KIF4A: variants seen among roughly 807,000 people sequenced by gnomAD.
KIF4A encodes chromosome-associated kinesin KIF4A.
KIF4A carries 7 observed loss-of-function variants against 105.9 expected under a neutral mutation model. That is an observed-to-expected ratio of 0.07 (90% confidence interval 0.04 to 0.12). The LOEUF (loss-of-function observed/expected upper bound fraction) is 0.12, where lower values mean the gene tolerates loss of function less well. Among genes scored for constraint, KIF4A ranks in the 10% least tolerant of loss-of-function variants. The probability of loss-of-function intolerance (pLI) is 1.00; values close to 1 mark genes in which losing one functional copy is unlikely to be tolerated. For missense variants in KIF4A, 558 were observed against 929.2 expected (o/e 0.60, Z 5.19); for synonymous variants, 281 against 331.3 (o/e 0.85, Z 1.65).
chrX:70,295,541 C>T (rs1247873062), intron 3 of KIF4A, among the ~76,000 whole-genome samples: 4 of 110,698 alleles, frequency 3.6e-5, no homozygotes, highest in African/African-American at 9.9e-5. Context: ...TAAGTGATAA[C>T]GAAAAACACA....
intron 18 of KIF4A, among the ~76,000 whole-genome samples, chrX:70,382,297 C>T (rs937011621): frequency 2.7e-5 from 3 of 111,336 alleles, no homozygotes; most frequent in Non-Finnish European, 5.7e-5. Flanking sequence ...TGGGCATGGT[C>T]GTACATGCCT....
intron 20 of KIF4A, among the ~76,000 whole-genome samples, chrX:70,389,491 C>T (rs1007712390): frequency 2.7e-5 from 3 of 112,372 alleles, no homozygotes; most frequent in African/African-American, 6.5e-5. Context: ...TCGCTTGAAC[C>T]GGGGAGGCAG....
intron 9 of KIF4A, among the ~76,000 whole-genome samples, chrX:70,332,509 C>T (rs1417569287): frequency 9.1e-6 from 1 of 110,208 alleles, no homozygotes; most frequent in Admixed American, 9.7e-5. Context: ...GAGTGGCGAG[C>T]GAAAGGAAAT....
At chrX:70,371,308 T>C (rs2086131517) in intron 15 of KIF4A, among the ~76,000 whole-genome samples, 1 of 108,503 alleles carries the variant, frequency 9.2e-6, no homozygotes, top group Admixed American at 9.9e-5. Context: ...GGGGGTAAGG[T>C]CACAGATCAA....
At chrX:70,315,607 T>C (rs371687728) in intron 7 of KIF4A, among the ~76,000 whole-genome samples, 1 of 111,774 alleles carries the variant, frequency 8.9e-6, no homozygotes, top group East Asian at 2.8e-4. Flanking sequence ...TGAAGTCTAA[T>C]GCTGGAGTAT....
chrX:70,404,168 A>G, intron 24 of KIF4A, 134 bp downstream of exon 24: 2 of 650,623 alleles, frequency 3.1e-6, no homozygotes, highest in Non-Finnish European at 4.7e-6. Context: ...GCAAATAAAA[A>G]GAAACCTGAA....
At chrX:70,365,714 T>C (rs969278668) in intron 15 of KIF4A, among the ~76,000 whole-genome samples, 10 of 111,462 alleles carry the variant, frequency 9.0e-5, no homozygotes, top group African/African-American at 3.3e-4. Context: ...CTTTTTTTGT[T>C]GTGTCTCTGT....
intron 3 of KIF4A, among the ~76,000 whole-genome samples, chrX:70,292,177 C>A (rs2085763798): frequency 8.9e-6 from 1 of 111,912 alleles, no homozygotes; most frequent in Non-Finnish European, 1.9e-5. Context: ...TTCTAAGTTA[C>A]CACAATACAA....
chrX:70,315,088 G>A (rs922606193), intron 7 of KIF4A, among the ~76,000 whole-genome samples: 8 of 111,596 alleles, frequency 7.2e-5, no homozygotes, highest in African/African-American at 2.6e-4. Context: ...CTTAATGTAA[G>A]GGGTTTCATG....
chrX:70,306,810 G>GAAA (rs2085829219), intron 7 of KIF4A, among the ~76,000 whole-genome samples: 1 of 110,049 alleles, frequency 9.1e-6, no homozygotes, highest in African/African-American at 3.3e-5. Flanking sequence ...CAAAGTGCTG[G>GAAA]GATTACAGGC....
Position 70,343,686 on chromosome X carries a change from C to T in KIF4A, c.1267-17C>T. ...GTCAGGCACCGCCACTGATGATCTC[C>T]TGGGTCTTTGTTGCAGACAGAGCAA... On this transcript the variant is annotated splice_polypyrimidine_tract_variant and intron_variant, in intron 11 of 30. Transcript: ENST00000374403. 1 of 1,208,130 alleles carries T rather than the reference C, an allele frequency of 8.3e-7. No individual in the cohort carries two copies.
At chrX:70,373,070 A>G (rs2077503585) in intron 15 of KIF4A, among the ~76,000 whole-genome samples, 1 of 111,227 alleles carries the variant, frequency 9.0e-6, no homozygotes, top group African/African-American at 3.3e-5. Context: ...CCAGGAGTTT[A>G]AGACCAGCCT....
At chrX:70,406,395 G>T (rs1569253319) in intron 27 of KIF4A, 41 bp downstream of exon 27, 1 of 1,070,124 alleles carries the variant, frequency 9.3e-7, no homozygotes, top group Non-Finnish European at 1.3e-6. Flanking sequence ...CACAGCTTAG[G>T]TTTGGGGTGA....
intron 13 of KIF4A, among the ~76,000 whole-genome samples, chrX:70,345,463 C>CAA (rs761709179): frequency 5.0e-5 from 3 of 60,013 alleles, no homozygotes; most frequent in African/African-American, 2.0e-4. Context: ...GACTTCATCT[C>CAA]AAAAAAAAAA....
At chrX:70,399,159 T>C (rs1008543590) in intron 22 of KIF4A, among the ~76,000 whole-genome samples, 6 of 112,383 alleles carry the variant, frequency 5.3e-5, no homozygotes, top group African/African-American at 1.9e-4. Flanking sequence ...TTCTACTGCA[T>C]GCTGAATATG....
rs146238825 is a variant in KIF4A, at chrX:70,398,575, G to A, written c.2489+2526G>A. ...ATAGGTGACAACTCTGAAGTGTTGTGCCCCACCTCTTCCAGAAGCCTTCCC... is the reference window on the plus strand; with the variant it reads ...ATAGGTGACAACTCTGAAGTGTTGTACCCCACCTCTTCCAGAAGCCTTCCC... On this transcript the variant is annotated intron_variant, in intron 22 of 30. Coordinates refer to ENST00000374403, the MANE Select transcript of KIF4A (RefSeq NM_012310.5). Among the ~76,000 whole-genome samples the A allele has an allele frequency of 4.7e-3, 522 of 111,838 alleles. 4 individuals are homozygous for A. Among genetic ancestry groups the A allele is most frequent in the African/African-American group, 0.016 (498 of 30,832 alleles).
chrX:70,330,381 G>A (rs2085925758), intron 9 of KIF4A, 49 bp downstream of exon 9: 4 of 1,039,242 alleles, frequency 3.8e-6, no homozygotes, highest in Non-Finnish European at 5.3e-6. Flanking sequence ...TATGTGAGTG[G>A]AATGATAGAG....
intron 5 of KIF4A, among the ~76,000 whole-genome samples, chrX:70,299,566 G>A (rs1176426326): frequency 9.0e-6 from 1 of 111,315 alleles, no homozygotes; most frequent in Non-Finnish European, 1.9e-5. Context: ...ATTTCCTCAG[G>A]CACACTAGCC....
chrX:70,351,585 A>G (rs1393906012), intron 13 of KIF4A, among the ~76,000 whole-genome samples: 2 of 111,519 alleles, frequency 1.8e-5, no homozygotes, highest in Admixed American at 1.9e-4. Flanking sequence ...TGGTATACAC[A>G]CACCACATAC....
Sources: allele counts gnomAD v4.1 joint callset (sites outside exome capture counted in the v4.1 genomes callset), GRCh38; gene constraint gnomAD v4.1.1; transcripts MANE v1.5; gene names NCBI Gene and HGNC (gene_info 2026-07-23, HGNC 2026-07-21).